Variants in PCDHGB5 observed in about 807,000 individuals in gnomAD.
The protein encoded by PCDHGB5 is protocadherin gamma-B5.
PCDHGB5 carries 48 observed loss-of-function variants against 62.9 expected under a neutral mutation model. That is an observed-to-expected ratio of 0.76 (90% CI 0.61 to 0.97). The LOEUF (loss-of-function observed/expected upper bound fraction) is 0.97. PCDHGB5 is among the 50% of genes least tolerant of loss of function. The probability of loss-of-function intolerance (pLI) is 0.00; values close to 1 mark genes in which losing one functional copy is unlikely to be tolerated. For synonymous variants in PCDHGB5, 474 were observed against 511.2 expected (o/e 0.93, Z 0.98); for missense variants, 1,118 against 1,198.6 (o/e 0.93, Z 0.99).
At position 141,410,559 on chromosome 5, in the gene PCDHGB5, G is replaced by A. The variant is rs1239897819; in HGVS notation, c.2397+10035G>A. 9.9e-6 allele frequency: 16 copies of A among 1,612,722 alleles called. No individual in the cohort carries two copies. Among genetic ancestry groups the A allele is most frequent in the African/African-American group, 5.3e-5 (4 of 74,894 alleles). On this transcript the variant is annotated intron_variant, in intron 1 of 3. Transcript: ENST00000617380. ...GACATGGTTTGCAGTGTTTCTCCTG[G>A]AGCCTTAATTCCACCTCATGGTGGG...
At chr5:141,418,802 T>G (rs775155011) in intron 1 of PCDHGB5, 1 of 1,613,862 alleles carries the variant, frequency 6.2e-7, no homozygotes, top group Non-Finnish European at 8.5e-7. Flanking sequence ...AGTAGAAAGA[T>G]ATACGATAAA....
Position 141,489,323 on chromosome 5 carries a change from C to T in PCDHGB5, c.2398-5484C>T, listed in dbSNP as rs746520513. 1 of 1,601,632 alleles carries T rather than the reference C, an allele frequency of 6.2e-7. No individual in the cohort carries two copies. Among genetic ancestry groups the T allele is most frequent in the Non-Finnish European group, 8.5e-7 (1 of 1,172,950 alleles). ...TCCTTGTGCTGCTGGGGCTGGGTGT[C>T]TGGGCAGCTTCGTTACTCAGTGGTG... On this transcript the variant is annotated intron_variant, in intron 1 of 3. Coordinates refer to ENST00000617380, the MANE Select transcript of PCDHGB5 (RefSeq NM_018925.3). The surrounding 1 kb of genome is among the most constrained non-coding windows in gnomAD (Gnocchi z 4.5).
At chr5:141,402,872 T>C in intron 1 of PCDHGB5, 1 of 1,455,372 alleles carries the variant, frequency 6.9e-7, no homozygotes, top group Non-Finnish European at 9.1e-7. Flanking sequence ...AAGATCACCA[T>C]ACTTTGCAGG....
Position 141,511,508 on chromosome 5 carries a change from C to T in PCDHGB5, c.*335C>T, listed in dbSNP as rs1339517659. 7.8e-6 allele frequency: 3 copies of T among 385,970 alleles called. No individual in the cohort carries two copies. Among genetic ancestry groups the T allele is most frequent in the Non-Finnish European group, 1.5e-5 (3 of 206,164 alleles). The allele number at this position is 385,970 out of a possible 1,614,324, so 23.9% of individuals were successfully genotyped here. Reference sequence around the variant, plus strand: ...TCCTCCATCTTCCAAATCAATCAGGCCCATCCATCCCATGCCTCCCTCCTC... The same window carrying T: ...TCCTCCATCTTCCAAATCAATCAGGTCCATCCATCCCATGCCTCCCTCCTC... On this transcript the variant is annotated 3_prime_UTR_variant, in exon 4 of 4. Coordinates refer to ENST00000617380, the MANE Select transcript of PCDHGB5 (RefSeq NM_018925.3).
chr5:141,465,629 C>A (rs1048373153), intron 1 of PCDHGB5, among the ~76,000 whole-genome samples: 1 of 152,204 alleles, frequency 6.6e-6, no homozygotes, highest in Non-Finnish European at 1.5e-5. Flanking sequence ...AGTCAACCAG[C>A]AAAATGCTTT....
chr5:141,435,104 G>A (rs1009839042), intron 1 of PCDHGB5, among the ~76,000 whole-genome samples: 1 of 151,968 alleles, frequency 6.6e-6, no homozygotes, highest in Non-Finnish European at 1.5e-5. Flanking sequence ...TTATCTAGGG[G>A]GGAGAAATCT....
chr5:141,410,664 A>G, intron 1 of PCDHGB5: 1 of 1,570,058 alleles, frequency 6.4e-7, no homozygotes, highest in Non-Finnish European at 8.6e-7. Context: ...ATAGTCTACT[A>G]GTTTCTCATA....
intron 1 of PCDHGB5, chr5:141,402,889 G>A: frequency 1.3e-6 from 2 of 1,493,808 alleles, no homozygotes; most frequent in South Asian, 1.4e-5. Context: ...CAGGGTGGAA[G>A]AAAGAACCTG....
At chr5:141,405,499 A>C in intron 1 of PCDHGB5, 9 of 782,122 alleles carry the variant, frequency 1.2e-5, no homozygotes, top group Non-Finnish European at 1.8e-5. Context: ...GGCTCATTGC[A>C]ACCTCCGCCT....
intron 1 of PCDHGB5, among the ~76,000 whole-genome samples, chr5:141,438,139 T>C (rs2097931816): frequency 6.6e-6 from 1 of 152,152 alleles, no homozygotes. Context: ...TGGCAAAAGA[T>C]AGCCAGCCTA....
intron 1 of PCDHGB5, chr5:141,418,768 T>C (rs1216316680): frequency 6.2e-7 from 1 of 1,613,712 alleles, no homozygotes; most frequent in Non-Finnish European, 8.5e-7. Context: ...ACATTCTAAC[T>C]CAGCAGCCTT....
At position 141,489,298 on chromosome 5, in the gene PCDHGB5, T is replaced by C; in HGVS notation, c.2398-5509T>C. On this transcript the variant is annotated intron_variant, in intron 1 of 3. Transcript: ENST00000617380. This position sits in a 1 kb window ranked among gnomAD's most constrained non-coding sequence, Gnocchi z 4.5. ...GAAATGGCAAGTGCTGTGCATGTTG[T>C]CCTTGTGCTGCTGGGGCTGGGTGTC... The C allele has an allele frequency of 6.3e-7, 1 of 1,584,418 alleles. No individual in the cohort carries two copies. The highest frequency in any genetic ancestry group is 8.6e-7 in the Non-Finnish European group (1 of 1,165,192).
rs936419038 is a variant in PCDHGB5 at position 141,493,313 on chromosome 5, G to T, written c.2398-1494G>T. On this transcript the variant is annotated intron_variant, in intron 1 of 3. Transcript: ENST00000617380. This position sits in a 1 kb window ranked among gnomAD's most constrained non-coding sequence, Gnocchi z 4.3. ...TCAAGTTCACAGAGCAAGTAAGAGA[G>T]ATTCTAACCCCTGTCTAACTCCAGA... Among the ~76,000 whole-genome samples, 4 of 152,214 alleles carry T rather than the reference G, an allele frequency of 2.6e-5. No individual in the cohort carries two copies. Among genetic ancestry groups the T allele is most frequent in the Non-Finnish European group, 4.4e-5 (3 of 68,040 alleles).
intron 1 of PCDHGB5, chr5:141,422,195 A>G: frequency 6.4e-7 from 1 of 1,562,278 alleles, no homozygotes; most frequent in African/African-American, 1.4e-5. Flanking sequence ...ATTCAAGGCC[A>G]AGATGGTGGA....
Position 141,476,698 on chromosome 5 carries a change from G to T in PCDHGB5, c.2398-18109G>T. The T allele has an allele frequency of 4.3e-6, 7 of 1,614,056 alleles. No homozygotes were observed. Among genetic ancestry groups the T allele is most frequent in the Non-Finnish European group, 5.9e-6 (7 of 1,179,986 alleles). ...CGCGGGAGGACAGCACCAAGTACGC[G>T]GAGCTGGTGTTGGAGCGCGCCCTGG... On this transcript the variant is annotated intron_variant, in intron 1 of 3. Coordinates refer to ENST00000617380, the MANE Select transcript of PCDHGB5 (RefSeq NM_018925.3). The surrounding 1 kb of genome is among the most constrained non-coding windows in gnomAD (Gnocchi z 7.6).
At chr5:141,421,371 T>C in intron 1 of PCDHGB5, 2 of 1,614,028 alleles carry the variant, frequency 1.2e-6, no homozygotes, top group Non-Finnish European at 1.7e-6. Flanking sequence ...TCGTGGGCAA[T>C]ATCTCCAAGG....
chr5:141,441,737 C>T lies in PCDHGB5; in HGVS notation c.2397+41213C>T, dbSNP rs2098268916. 5 of 365,122 alleles carry T rather than the reference C, an allele frequency of 1.4e-5. 1 individual carries two copies. The highest frequency in any genetic ancestry group is 1.1e-4 in the South Asian group (5 of 46,286). 22.6% of individuals were successfully genotyped at this position (365,122 alleles called of 1,614,324 possible). ...TGCAGGCCCGCGACCAGGACTAGCT[C>T]GCGCTCGGCGTCAACGTGAGCCTGC... On this transcript the variant is annotated intron_variant, in intron 1 of 3. Transcript: ENST00000617380.
chr5:141,405,229 C>T, intron 1 of PCDHGB5: 1 of 1,614,144 alleles, frequency 6.2e-7, no homozygotes, highest in Non-Finnish European at 8.5e-7. Context: ...AGTTCTCCCT[C>T]ACCGCTGACT....
At chr5:141,406,567 T>A (rs1270084196) in intron 1 of PCDHGB5, among the ~76,000 whole-genome samples, 2 of 152,224 alleles carry the variant, frequency 1.3e-5, no homozygotes, top group African/African-American at 4.8e-5. Context: ...TTCCAAACCC[T>A]AGTAAACCAA....
Sources: gnomAD v4.1 joint callset for allele counts (sites outside exome capture counted in the v4.1 genomes callset) on GRCh38, gnomAD v4.1.1 for gene constraint, Gnocchi (gnomAD v3.1) non-coding constraint, MANE v1.5 for transcripts, NCBI Gene and HGNC (gene_info 2026-07-23, HGNC 2026-07-21) for gene names.